The following HIP1R variants were observed in gnomAD, a reference collection of about 807,000 sequenced individuals.
The protein encoded by HIP1R is huntingtin-interacting protein 1-related protein.
A neutral mutation model predicts 144.2 loss-of-function variants in HIP1R; 135 were observed. The observed-to-expected ratio is 0.94, with a 90% confidence interval of 0.81 to 1.08. The LOEUF (loss-of-function observed/expected upper bound fraction) is 1.08, where lower values mean the gene tolerates loss of function less well. Among genes scored for constraint, HIP1R ranks in the 50% least tolerant of loss-of-function variants. The pLI is 0.00. For synonymous variants in HIP1R, 698 were observed against 612.8 expected, an observed-to-expected ratio of 1.14 and a Z score of -2.05; for missense variants, 1,462 against 1,432.8, an observed-to-expected ratio of 1.02 and a Z score of -0.33.
chr12:122,855,139 C>A lies in HIP1R; in HGVS notation c.852+11C>A, dbSNP rs561368690. ...CCCCGGCTGCCCGAGGTACCACCCC[C>A]AAGAGGGCCCCGAGGCCCTTTGAGG... On this transcript the variant is annotated intron_variant, in intron 10 of 31. Coordinates refer to ENST00000253083, the MANE Select transcript of HIP1R (RefSeq NM_003959.3). The A allele has an allele frequency of 3.7e-6, 6 of 1,613,350 alleles. No individual in the cohort carries two copies. Among genetic ancestry groups the A allele is most frequent in the South Asian group, 3.3e-5 (3 of 91,068 alleles).
chr12:122,845,689 C>A (rs763951980), intron 1 of HIP1R, among the ~76,000 whole-genome samples: 16 of 152,196 alleles, frequency 1.1e-4, no homozygotes, highest in Non-Finnish European at 2.2e-4. Flanking sequence ...TAAGGAAACA[C>A]TCCACTGTCT....
intron 1 of HIP1R, among the ~76,000 whole-genome samples, chr12:122,837,149 A>G (rs1488848171): frequency 2.6e-5 from 4 of 152,194 alleles, no homozygotes; most frequent in Non-Finnish European, 4.4e-5. Flanking sequence ...TTGAGGACGT[A>G]TAAAGAGGTC....
At position 122,862,698 on chromosome 12, in the gene HIP1R, G is replaced by GT. The variant is rs1157581179; in HGVS notation, c.*946dup. 1 of 152,054 alleles carries GT rather than the reference G, an allele frequency of 6.6e-6. No homozygotes were observed. The highest frequency in any genetic ancestry group is 1.5e-5 in the Non-Finnish European group (1 of 67,984). 9.4% of individuals were successfully genotyped at this position (152,054 alleles called of 1,614,324 possible). ...CTTTGCCCGTCAGATTTGAACGAATGTGTGTCCCTTGAGCCCAAGGAGAGC... is the reference window on the plus strand; with the variant it reads ...CTTTGCCCGTCAGATTTGAACGAATGTTGTGTCCCTTGAGCCCAAGGAGAGC... On this transcript the variant is annotated 3_prime_UTR_variant, in exon 32 of 32. Coordinates refer to ENST00000253083, the MANE Select transcript of HIP1R (RefSeq NM_003959.3).
Position 122,854,105 on chromosome 12 carries a change from G to GC in HIP1R, c.646dup (p.Leu216ProfsTer73), listed in dbSNP as rs1228503389. The stretch of plus-strand genomic sequence containing the variant: ...GATGTCCTCAGGCCAGTGCCGCCTG[G>GC]CCCCCCTCATCCAGGTCATCCAGGA... On this transcript the variant is annotated frameshift_variant, in exon 8 of 32. Transcript: ENST00000253083. LOFTEE classifies it high-confidence loss of function. 1 of 1,613,806 alleles carries GC rather than the reference G, an allele frequency of 6.2e-7. No homozygotes were observed. Among genetic ancestry groups the GC allele is most frequent in the Non-Finnish European group, 8.5e-7 (1 of 1,179,914 alleles).
Position 122,848,600 on chromosome 12 carries a change from C to T in HIP1R, c.292C>T (p.His98Tyr). Residue 98 changes from histidine (H) to tyrosine (Y), a missense_variant, in exon 3 of 32, where the codon CAC becomes TAC. Physicochemically the swap from His to Tyr is moderately conservative, Grantham distance 83 (BLOSUM62 2). Transcript: ENST00000253083. ...HVLHKVLRDG[H>Y]PNVLHDCQRY... is the part of the protein sequence containing the mutation. ...CCTCCACAAGGTCCTTCGAGACGGG[C>T]ACCCCAATGTGAGTAGCAGCTGCTG... The T allele has an allele frequency of 6.2e-7, 1 of 1,611,370 alleles. No homozygotes were observed. The highest frequency in any genetic ancestry group is 8.5e-7 in the Non-Finnish European group (1 of 1,178,880).
chr12:122,856,155 A>G lies in HIP1R; in HGVS notation c.1304A>G (p.Glu435Gly). The change falls in exon 14 of 32, where the codon GAG (glutamate) becomes GGG (glycine). Residue 435 changes from glutamate (E) to glycine (G), a missense_variant. This residue lies in a region of HIP1R where 1,112 missense variants were observed against 1,011.7 expected (regional missense o/e 1.10). Transcript: ENST00000253083. ...GAGCGGAGCCAGGGCCTGCGTGAGG[A>G]GGCTGAGAGTACGTGGGGCCTTGGC... is the stretch of plus-strand genomic sequence containing the variant. The part of the protein sequence containing the change: ...EGERSQGLRE[E>G]AERKASATEA... 1 of 1,602,468 alleles carries G rather than the reference A, an allele frequency of 6.2e-7. No homozygotes were observed. The highest frequency in any genetic ancestry group is 1.1e-5 in the South Asian group (1 of 89,692).
rs770357254 is a variant in HIP1R, at chr12:122,861,166, C to G, written c.2926C>G (p.Leu976Val). Reference protein sequence around the residue: ...MDFSGLSLIKLKKQEMETQVR... With the variant: ...MDFSGLSLIKVKKQEMETQVR... ...TTTCTCCGGCCTGTCCCTCATCAAG[C>G]TGAAGAAGCAGGAGATGGAGACCCA... Residue 976 changes from leucine (L) to valine (V), a missense_variant, in exon 30 of 32, where the codon CTG (leucine) becomes GTG (valine). Coordinates refer to ENST00000253083, the MANE Select transcript of HIP1R (RefSeq NM_003959.3). The G allele has an allele frequency of 1.2e-6, 2 of 1,611,824 alleles. No homozygotes were observed. Among genetic ancestry groups the G allele is most frequent in the Non-Finnish European group, 1.7e-6 (2 of 1,179,742 alleles).
At chr12:122,841,035 A>G (rs2033042886) in intron 1 of HIP1R, among the ~76,000 whole-genome samples, 1 of 152,188 alleles carries the variant, frequency 6.6e-6, no homozygotes, top group Non-Finnish European at 1.5e-5. Flanking sequence ...AAAGCCTCTG[A>G]GTGGAGTCCA....
At chr12:122,849,805 G>A (rs899989884) in intron 4 of HIP1R, 70 bp from the exon 5 acceptor site, 27 of 1,118,882 alleles carry the variant, frequency 2.4e-5, no homozygotes, top group Non-Finnish European at 3.1e-5. Context: ...TCACTCTCGT[G>A]CCCAGGTCCT....
chr12:122,861,611 C>A (rs982646896), intron 31 of HIP1R, 95 bp from the exon 32 acceptor site: 2 of 1,574,080 alleles, frequency 1.3e-6, no homozygotes, highest in African/African-American at 2.7e-5. Flanking sequence ...AGTCAGGGAC[C>A]ACTGACAACA....
chr12:122,848,943 C>T, intron 4 of HIP1R, 91 bp downstream of exon 4: 4 of 1,360,956 alleles, frequency 2.9e-6, no homozygotes, highest in Non-Finnish European at 4.2e-6. Flanking sequence ...TGGGCAGTTC[C>T]CTGCGGGTGG....
rs780295925 is a variant in HIP1R, at chr12:122,855,847, A to C, written c.1072A>C (p.Ser358Arg). Residue 358 changes from serine (S) to arginine (R), a missense_variant, in exon 13 of 32, where the codon AGC (serine) becomes CGC (arginine). Physicochemically the swap from Ser to Arg is moderately radical, Grantham distance 110. Coordinates refer to ENST00000253083, the MANE Select transcript of HIP1R (RefSeq NM_003959.3). ...VKDDRDLQIE[S>R]LKREVEMLRS... ...TGTCCCCAGGGACCTCCAGATTGAG[A>C]GCTTGAAGAGAGAGGTGGAAATGCT... 4 of 1,540,746 alleles carry C rather than the reference A, an allele frequency of 2.6e-6. No individual in the cohort carries two copies. In the East Asian group the frequency reaches 7.5e-5, roughly 29 times the overall value.
At chr12:122,845,369 C>T (rs923536039) in intron 1 of HIP1R, among the ~76,000 whole-genome samples, 6 of 152,246 alleles carry the variant, frequency 3.9e-5, no homozygotes, top group African/African-American at 1.2e-4. Flanking sequence ...ACACATCTGC[C>T]CATCCTAGAC....
At chr12:122,860,872 C>T (rs1227066565) in intron 28 of HIP1R, 44 bp from the exon 29 acceptor site, 2 of 1,599,256 alleles carry the variant, frequency 1.3e-6, no homozygotes, top group Non-Finnish European at 1.7e-6. Context: ...TGCTGCTGCC[C>T]TGAGCTGGGA....
Position 122,835,550 on chromosome 12 carries a change from G to C in HIP1R, c.-1G>C, listed in dbSNP as rs1282909812. Reference sequence around the variant, plus strand: ...GGACAAAAGCGGGCGGCGGCGGCAGGATGAACAGCATCAAGAACGTGCCGG... The same window carrying C: ...GGACAAAAGCGGGCGGCGGCGGCAGCATGAACAGCATCAAGAACGTGCCGG... On this transcript the variant is annotated 5_prime_UTR_variant, in exon 1 of 32. Coordinates refer to ENST00000253083, the MANE Select transcript of HIP1R (RefSeq NM_003959.3). The C allele has an allele frequency of 1.5e-6, 2 of 1,345,354 alleles. No individual in the cohort carries two copies. Among genetic ancestry groups the C allele is most frequent in the Non-Finnish European group, 1.9e-6 (2 of 1,041,064 alleles). The allele number at this position is 1,345,354 out of a possible 1,614,324, so 83.3% of individuals were successfully genotyped here.
Position 122,856,477 on chromosome 12 carries a change from G to T in HIP1R, c.1447G>T (p.Glu483Ter). Reference protein sequence around the residue: ...KQLTVTQQSQEEVARVKEQLA... With the variant: ...KQLTVTQQSQ Reference sequence around the variant, plus strand: ...GCTGACGGTGACGCAGCAAAGCCAGGAGGAGGTGGCGCGGGTGAAGGAGCA... The same window carrying T: ...GCTGACGGTGACGCAGCAAAGCCAGTAGGAGGTGGCGCGGGTGAAGGAGCA... The change falls in exon 16 of 32, where the codon GAG becomes TAG. Residue 483 changes from glutamate (E) to a stop codon, truncating the protein, a stop_gained. Coordinates refer to ENST00000253083, the MANE Select transcript of HIP1R (RefSeq NM_003959.3). LOFTEE classifies it high-confidence loss of function. 1 of 1,590,682 alleles carries T rather than the reference G, an allele frequency of 6.3e-7. No individual in the cohort carries two copies.
chr12:122,848,751 C>T, intron 3 of HIP1R, 45 bp from the exon 4 acceptor site: 1 of 1,608,942 alleles, frequency 6.2e-7, no homozygotes, highest in Non-Finnish European at 8.5e-7. Context: ...GGCCCTGCCA[C>T]ACGGTCCTGG....
At position 122,857,736 on chromosome 12, in the gene HIP1R, C is replaced by T. The variant is rs1032732794; in HGVS notation, c.1816-366C>T. The T allele has an allele frequency of 2.2e-5, 6 of 272,204 alleles. No individual in the cohort carries two copies. The East Asian group carries it at 3.7e-4, about 17-fold the overall frequency. The allele number at this position is 272,204 out of a possible 1,614,324, so 16.9% of individuals were successfully genotyped here. ...TGTTCCAGTTTCTCCACATCCTTGCCAATGCTTATTATTGTCTTCTTTTTA... is the reference window on the plus strand; with the variant it reads ...TGTTCCAGTTTCTCCACATCCTTGCTAATGCTTATTATTGTCTTCTTTTTA... On this transcript the variant is annotated intron_variant, in intron 18 of 31. Transcript: ENST00000253083.
At chr12:122,841,562 G>A (rs536130510) in intron 1 of HIP1R, among the ~76,000 whole-genome samples, 2 of 152,372 alleles carry the variant, frequency 1.3e-5, no homozygotes, top group African/African-American at 4.8e-5. Flanking sequence ...GAATGACTGA[G>A]GCCTGGAGAA....
Sources: allele counts gnomAD v4.1 joint callset (sites outside exome capture counted in the v4.1 genomes callset), GRCh38; gene constraint gnomAD v4.1.1; regional missense constraint gnomAD v4.1.1; transcripts MANE v1.5; gene names NCBI Gene and HGNC (gene_info 2026-07-23, HGNC 2026-07-21).